Variants in PARD3 observed in about 807,000 individuals in gnomAD.
The protein encoded by PARD3 is partitioning defective 3 homolog.
PARD3 carries 75 observed loss-of-function variants against 155.4 expected under a neutral mutation model. The ratio of observed to expected loss-of-function variants is 0.48; its 90% CI spans 0.40 to 0.58. The LOEUF (loss-of-function observed/expected upper bound fraction) is 0.58, where lower values mean the gene tolerates loss of function less well. Ranked by LOEUF, PARD3 falls within the 20% of genes least tolerant of loss-of-function variation. PARD3 has a pLI of 0.00. For synonymous variants in PARD3, 576 were observed against 610.5 expected (o/e 0.94, Z 0.83); for missense variants, 1,642 against 1,721.7 (o/e 0.95, Z 0.82).
chr10:34,344,927 G>T, intron 15 of PARD3: 1 of 985,354 alleles, frequency 1.0e-6, no homozygotes, highest in South Asian at 4.7e-5. Context: ...ATAACTCCCC[G>T]ACATATAAGG....
At chr10:34,289,593 G>A (rs1293743594) in intron 20 of PARD3, among the ~76,000 whole-genome samples, 1 of 152,144 alleles carries the variant, frequency 6.6e-6, no homozygotes, top group African/African-American at 2.4e-5. Flanking sequence ...TAGAGGTAGT[G>A]CTGCATTAGG....
chr10:34,501,925 T>C (rs1255866880), intron 3 of PARD3, among the ~76,000 whole-genome samples: 1 of 152,180 alleles, frequency 6.6e-6, no homozygotes, highest in Non-Finnish European at 1.5e-5. Context: ...TGTGGGGCCT[T>C]GTGGGAAGCT....
intron 15 of PARD3, chr10:34,345,191 G>A (rs1204383747): frequency 5.1e-6 from 5 of 984,882 alleles, no homozygotes; most frequent in Non-Finnish European, 6.0e-6. Context: ...TCAGGACTTA[G>A]TTCCTCATCT....
At chr10:34,202,088 T>G (rs1951243777) in intron 22 of PARD3, 1 of 152,256 alleles carries the variant, frequency 6.6e-6, no homozygotes, top group Non-Finnish European at 1.5e-5. Context: ...TTTTGTTTTT[T>G]TTAGAGACAG....
At position 34,409,249 on chromosome 10, in the gene PARD3, GAAC is replaced by G. The variant is rs1441584472; in HGVS notation, c.715-7335_715-7333del. On this transcript the variant is annotated intron_variant, in intron 5 of 24. Transcript: ENST00000374788. ...TTTATGAAAGCTATCTAACCACAGA[GAAC>G]AACAAAAAGTATGTATCTCTGCACC... Among the ~76,000 whole-genome samples the G allele has an allele frequency of 5.3e-5, 8 of 152,114 alleles. No individual in the cohort carries two copies. In the East Asian group the frequency reaches 1.2e-3, roughly 22 times the overall value.
chr10:34,396,015 T>TA (rs1211418487), intron 7 of PARD3, among the ~76,000 whole-genome samples: 1 of 152,036 alleles, frequency 6.6e-6, no homozygotes, highest in East Asian at 1.9e-4. Context: ...CAACCTAGTC[T>TA]AAAAAATAGC....
At chr10:34,295,436 A>G (rs1030328879) in intron 20 of PARD3, among the ~76,000 whole-genome samples, 11 of 152,196 alleles carry the variant, frequency 7.2e-5, no homozygotes, top group African/African-American at 2.7e-4. Flanking sequence ...TCTTCTCAGA[A>G]CTGTCACGTC....
intron 1 of PARD3, among the ~76,000 whole-genome samples, chr10:34,714,518 C>T (rs1428495622): frequency 6.6e-6 from 1 of 152,098 alleles, no homozygotes; most frequent in Non-Finnish European, 1.5e-5. Context: ...AAGTGTGGCC[C>T]CTAAGGGGTG....
chr10:34,726,964 A>T (rs1454094642), intron 1 of PARD3, among the ~76,000 whole-genome samples: 1 of 152,120 alleles, frequency 6.6e-6, no homozygotes, highest in Non-Finnish European at 1.5e-5. Context: ...TTGCTTTGCC[A>T]ATAACCAGCT....
At chr10:34,760,074 G>A (rs1339077184) in intron 1 of PARD3, among the ~76,000 whole-genome samples, 1 of 152,088 alleles carries the variant, frequency 6.6e-6, no homozygotes, top group East Asian at 1.9e-4. Context: ...ACTATATTAT[G>A]TAAGTAATCT....
At chr10:34,464,589 C>T (rs2077885730) in intron 4 of PARD3, among the ~76,000 whole-genome samples, 1 of 152,070 alleles carries the variant, frequency 6.6e-6, no homozygotes, top group Admixed American at 6.6e-5. Context: ...CTAAAGGTTA[C>T]TTATAAAAGC....
Position 34,269,768 on chromosome 10 carries a change from C to A in PARD3, c.3308G>T (p.Gly1103Val), listed in dbSNP as rs748374778. ...AGGTCTAGCGTTGAGAGCCATGGAA[C>A]CTTCATAAGAAGAAACTCCCCCATA... ...LMYGGVSSYE[G>V]SMALNARPQS... is the part of the protein sequence containing the mutation. The change falls in exon 22 of 25, where the codon GGT becomes GTT. Residue 1103 changes from glycine (G) to valine (V), a missense_variant. Physicochemically the swap from Gly to Val is moderately radical, Grantham distance 109 (BLOSUM62 -3). Coordinates refer to ENST00000374788, the MANE Select transcript of PARD3 (RefSeq NM_001184785.2). 4.3e-6 allele frequency: 7 copies of A among 1,613,960 alleles called. No homozygotes were observed. The highest frequency in any genetic ancestry group is 5.9e-6 in the Non-Finnish European group (7 of 1,179,950).
chr10:34,360,120 T>C lies in PARD3; in HGVS notation c.1847A>G (p.Asp616Gly), dbSNP rs766862247. The C allele has an allele frequency of 6.2e-7, 1 of 1,614,120 alleles. No homozygotes were observed. The highest frequency in any genetic ancestry group is 1.1e-5 in the South Asian group (1 of 91,070). Reference protein sequence around the residue: ...KGNRSKENHADLGIFVKSIIN... With the variant: ...KGNRSKENHAGLGIFVKSIIN... Reference sequence around the variant, plus strand: ...AATGGACTTGACAAAGATTCCCAAATCTGCGTGGTTCTCTTTTGACCGGTT... The same window carrying C: ...AATGGACTTGACAAAGATTCCCAAACCTGCGTGGTTCTCTTTTGACCGGTT... The change falls in exon 13 of 25, where the codon GAT becomes GGT. Residue 616 changes from aspartate (D) to glycine (G), a missense_variant. Around this residue, in one of 3 missense-constraint regions of PARD3, gnomAD observed 1,529 missense variants for 1,587.3 expected, o/e 0.96. Transcript: ENST00000374788.
intron 19 of PARD3, among the ~76,000 whole-genome samples, chr10:34,329,221 T>C (rs185597834): frequency 1.4e-3 from 217 of 152,320 alleles, no homozygotes; most frequent in Non-Finnish European, 2.1e-3. Flanking sequence ...TATATTCATA[T>C]GTATTCTATC....
intron 1 of PARD3, among the ~76,000 whole-genome samples, chr10:34,766,929 C>G (rs1033108485): frequency 2.6e-5 from 4 of 152,156 alleles, no homozygotes; most frequent in African/African-American, 9.7e-5. Context: ...CCTAAAGAAT[C>G]CGCATGTCCT....
intron 2 of PARD3, among the ~76,000 whole-genome samples, chr10:34,603,032 C>A (rs2089925844): frequency 6.6e-6 from 1 of 152,114 alleles, no homozygotes; most frequent in Non-Finnish European, 1.5e-5. Context: ...TAATTATGTT[C>A]TATCCTTTGG....
At chr10:34,499,771 A>T (rs2080554107) in intron 3 of PARD3, among the ~76,000 whole-genome samples, 1 of 152,200 alleles carries the variant, frequency 6.6e-6, no homozygotes, top group Non-Finnish European at 1.5e-5. Flanking sequence ...GACAGGGCTG[A>T]GAAGAAAGGA....
At chr10:34,411,866 G>A (rs572410389) in intron 5 of PARD3, among the ~76,000 whole-genome samples, 22 of 151,406 alleles carry the variant, frequency 1.5e-4, no homozygotes, top group African/African-American at 5.3e-4. Context: ...CTCTTTGCAA[G>A]TTTATCAGGA....
At chr10:34,479,846 C>CA (rs2078960170) in intron 3 of PARD3, among the ~76,000 whole-genome samples, 1 of 152,150 alleles carries the variant, frequency 6.6e-6, no homozygotes, top group South Asian at 2.1e-4. Context: ...TTTGCGGACT[C>CA]AGAGAGGGGT....
Sources: allele counts gnomAD v4.1 joint callset (sites outside exome capture counted in the v4.1 genomes callset), GRCh38; gene constraint gnomAD v4.1.1; regional missense constraint gnomAD v4.1.1; transcripts MANE v1.5; gene names NCBI Gene and HGNC (gene_info 2026-07-23, HGNC 2026-07-21).